Variants in ITCH observed in about 807,000 individuals in gnomAD.
The protein encoded by ITCH is E3 ubiquitin-protein ligase Itchy homolog.
Under a neutral mutation model 126.8 loss-of-function variants are expected in ITCH, and 28 were observed. That is an observed-to-expected ratio of 0.22 (90% CI 0.16 to 0.30). ITCH has a LOEUF of 0.30. Among genes scored for constraint, ITCH ranks in the 10% least tolerant of loss-of-function variants. ITCH has a pLI of 1.00. For missense variants in ITCH, 631 were observed against 1,032.4 expected, an observed-to-expected ratio of 0.61 and a Z score of 5.33; for synonymous variants, 342 against 340.0, an observed-to-expected ratio of 1.01 and a Z score of -0.06.
At chr20:34,402,344 C>T (rs533738944) in intron 3 of ITCH, 304 of 969,560 alleles carry the variant, frequency 3.1e-4, no homozygotes, top group Non-Finnish European at 4.5e-4. Flanking sequence ...GCAAGTTTCT[C>T]AATAGTAGAG....
At chr20:34,372,604 T>A (rs545345915) in intron 2 of ITCH, among the ~76,000 whole-genome samples, 18 of 152,012 alleles carry the variant, frequency 1.2e-4, no homozygotes, top group African/African-American at 4.3e-4. Context: ...ATGGTCTCGA[T>A]CTCCTGACCT....
intron 3 of ITCH, chr20:34,402,223 T>A (rs1601815076): frequency 3.5e-6 from 5 of 1,424,314 alleles, no homozygotes; most frequent in Non-Finnish European, 9.9e-7. Flanking sequence ...TCAAATACAT[T>A]CTTTAGGCCT....
At chr20:34,415,511 C>G (rs1979705355) in intron 6 of ITCH, among the ~76,000 whole-genome samples, 1 of 151,926 alleles carries the variant, frequency 6.6e-6, no homozygotes, top group South Asian at 2.1e-4. Flanking sequence ...GAGCGAAGAT[C>G]ACACCACTGC....
At chr20:34,485,793 C>T (rs1483363866) in intron 20 of ITCH, among the ~76,000 whole-genome samples, 1 of 152,148 alleles carries the variant, frequency 6.6e-6, no homozygotes, top group African/African-American at 2.4e-5. Flanking sequence ...AAGGATCCCC[C>T]TGCCTCATCC....
intron 14 of ITCH, among the ~76,000 whole-genome samples, chr20:34,466,925 GAAAT>G (rs1011613626): frequency 5.2e-4 from 79 of 152,062 alleles, no homozygotes; most frequent in Middle Eastern, 3.4e-3. Context: ...TACAAGAAAG[GAAAT>G]AAATAAAAGC....
At chr20:34,445,000 T>C (rs551799517) in intron 10 of ITCH, among the ~76,000 whole-genome samples, 8 of 152,336 alleles carry the variant, frequency 5.3e-5, no homozygotes, top group Middle Eastern at 3.4e-3. Flanking sequence ...GTCCCTGTTA[T>C]GATTGAAACA....
At chr20:34,383,362 ATT>A (rs34783163) in intron 2 of ITCH, among the ~76,000 whole-genome samples, 138 of 109,452 alleles carry the variant, frequency 1.3e-3, no homozygotes, top group Middle Eastern at 5.2e-3. Context: ...GGCTTGATAG[ATT>A]TTTTTTTTTT....
At chr20:34,372,004 A>C (rs965343299) in intron 2 of ITCH, among the ~76,000 whole-genome samples, 1 of 152,092 alleles carries the variant, frequency 6.6e-6, no homozygotes, top group African/African-American at 2.4e-5. Context: ...TGATATCAGA[A>C]ATATCTTATA....
intron 3 of ITCH, among the ~76,000 whole-genome samples, chr20:34,397,241 T>A (rs1016134002): frequency 6.6e-6 from 1 of 152,182 alleles, no homozygotes; most frequent in Non-Finnish European, 1.5e-5. Flanking sequence ...CAGGCTGGCC[T>A]TGAACTCCTG....
intron 1 of ITCH, among the ~76,000 whole-genome samples, chr20:34,366,540 T>TA (rs2037428563): frequency 1.3e-5 from 2 of 152,056 alleles, no homozygotes; most frequent in Admixed American, 6.6e-5. Context: ...ATTTTAAGTA[T>TA]AATGCTAAAA....
chr20:34,446,827 C>T (rs763251142), intron 11 of ITCH, among the ~76,000 whole-genome samples: 9 of 152,210 alleles, frequency 5.9e-5, no homozygotes, highest in Non-Finnish European at 1.3e-4. Context: ...CCTGGTTCCA[C>T]AGTTACTTTC....
At chr20:34,385,744 C>T (rs2038259680) in intron 2 of ITCH, among the ~76,000 whole-genome samples, 1 of 152,104 alleles carries the variant, frequency 6.6e-6, no homozygotes, top group South Asian at 2.1e-4. Context: ...GTATAATTGT[C>T]CTTTTTTGCA....
intron 24 of ITCH, among the ~76,000 whole-genome samples, chr20:34,505,129 C>T (rs767519006): frequency 1.3e-4 from 20 of 151,234 alleles, no homozygotes; most frequent in Non-Finnish European, 2.7e-4. Flanking sequence ...CTGCAACCTC[C>T]GCCTCCCAGG....
chr20:34,477,747 A>C, intron 16 of ITCH, 25 bp from the exon 17 acceptor site: 1 of 1,609,948 alleles, frequency 6.2e-7, no homozygotes, highest in Middle Eastern at 1.7e-4. Flanking sequence ...TTTTTCACCA[A>C]TTATTTTACT....
At chr20:34,477,892 TC>T (rs1568987193) in intron 17 of ITCH, 32 bp downstream of exon 17, 1 of 1,612,730 alleles carries the variant, frequency 6.2e-7, no homozygotes, top group Non-Finnish European at 8.5e-7. Context: ...AGAACTTAGT[TC>T]CTTTCCTCCA....
chr20:34,506,229 A>C (rs1372409793), intron 24 of ITCH, among the ~76,000 whole-genome samples: 1 of 152,122 alleles, frequency 6.6e-6, no homozygotes, highest in Non-Finnish European at 1.5e-5. Flanking sequence ...ACACCTGGCC[A>C]ATTTCTAAAC....
chr20:34,470,242 C>A (rs1987488249), intron 15 of ITCH, 122 bp downstream of exon 15: 2 of 818,456 alleles, frequency 2.4e-6, no homozygotes, highest in Admixed American at 1.7e-5. Context: ...ATTAGAATCT[C>A]TTTCATCTAT....
At chr20:34,495,921 TAA>T (rs35357680) in intron 23 of ITCH, among the ~76,000 whole-genome samples, 6 of 49,954 alleles carry the variant, frequency 1.2e-4, no homozygotes, top group Admixed American at 2.5e-4. Context: ...CTGAAAATAC[TAA>T]AAAAAAAAAA....
At chr20:34,365,742 G>A (rs921356234) in intron 1 of ITCH, among the ~76,000 whole-genome samples, 9 of 152,262 alleles carry the variant, frequency 5.9e-5, no homozygotes, top group African/African-American at 2.2e-4. Context: ...TCACTTATTG[G>A]GAGAGGCAGA....
Sources: gnomAD v4.1 joint callset for allele counts (sites outside exome capture counted in the v4.1 genomes callset) on GRCh38, gnomAD v4.1.1 for gene constraint, MANE v1.5 for transcripts, NCBI Gene and HGNC (gene_info 2026-07-23, HGNC 2026-07-21) for gene names.